Variants in EXOC4 observed in about 807,000 individuals in gnomAD.
The protein encoded by EXOC4 is SEC8-like 1.
A neutral mutation model predicts 107.2 loss-of-function variants in EXOC4; 71 were observed. That is an observed-to-expected ratio of 0.66 (90% confidence interval 0.55 to 0.81). EXOC4 has a LOEUF of 0.81. Ranked by LOEUF, EXOC4 falls within the 30% of genes least tolerant of loss-of-function variation. EXOC4 has a pLI of 0.00. For missense variants in EXOC4, 1,108 were observed against 1,189.6 expected (o/e 0.93, Z 1.01); for synonymous variants, 456 against 441.2 (o/e 1.03, Z -0.42).
intron 7 of EXOC4, among the ~76,000 whole-genome samples, chr7:133,441,482 C>A (rs1049049762): frequency 6.6e-6 from 1 of 152,144 alleles, no homozygotes; most frequent in African/African-American, 2.4e-5. Context: ...TCTCTGTCTC[C>A]CAGGTTCAAG....
chr7:133,344,087 G>A (rs1795729928), intron 5 of EXOC4, among the ~76,000 whole-genome samples: 1 of 152,114 alleles, frequency 6.6e-6, no homozygotes, highest in South Asian at 2.1e-4. Context: ...AATATACTGG[G>A]ATTACAGGCA....
At chr7:133,546,739 A>G (rs984928802) in intron 9 of EXOC4, among the ~76,000 whole-genome samples, 3 of 152,110 alleles carry the variant, frequency 2.0e-5, no homozygotes, top group African/African-American at 7.2e-5. Flanking sequence ...TATTTTGTAG[A>G]TACCATTCTA....
At chr7:133,419,194 A>C (rs1797547102) in intron 7 of EXOC4, among the ~76,000 whole-genome samples, 1 of 152,192 alleles carries the variant, frequency 6.6e-6, no homozygotes, top group South Asian at 2.1e-4. Flanking sequence ...GAGAGACATT[A>C]GATGAATCAT....
At position 133,758,046 on chromosome 7, in the gene EXOC4, CT is replaced by C. The variant is rs546573009; in HGVS notation, c.1515-59278del. On this transcript the variant is annotated intron_variant, in intron 10 of 17. Coordinates refer to ENST00000253861, the MANE Select transcript of EXOC4 (RefSeq NM_021807.4). ...GTTGGGGGAATTTTGAATTGCTAGA[CT>C]ATTTAGGAAAACATCTTTATTGGGA... Among the ~76,000 whole-genome samples, 4 of 152,228 alleles carry C rather than the reference CT, an allele frequency of 2.6e-5. No individual in the cohort carries two copies. The East Asian group carries it at 7.7e-4, about 29-fold the overall frequency.
chr7:133,770,800 G>A (rs936949283), intron 10 of EXOC4, among the ~76,000 whole-genome samples: 1 of 151,876 alleles, frequency 6.6e-6, no homozygotes. Context: ...GCCTTTGTTT[G>A]TACCTCTTAA....
intron 14 of EXOC4, among the ~76,000 whole-genome samples, chr7:133,952,928 C>A (rs1800726264): frequency 6.6e-6 from 1 of 152,156 alleles, no homozygotes; most frequent in African/African-American, 2.4e-5. Context: ...CCATCTTTTG[C>A]CTATTGTGAG....
chr7:133,327,060 C>T (rs572545989), intron 5 of EXOC4, among the ~76,000 whole-genome samples: 6 of 152,348 alleles, frequency 3.9e-5, no homozygotes, highest in African/African-American at 7.2e-5. Context: ...GTTGGAAAAG[C>T]GCAGTATTAG....
chr7:133,703,473 C>G (rs1425488336), intron 10 of EXOC4, among the ~76,000 whole-genome samples: 1 of 152,090 alleles, frequency 6.6e-6, no homozygotes, highest in African/African-American at 2.4e-5. Context: ...GAACAGTGGT[C>G]AAGGAATAAT....
chr7:133,898,342 G>C (rs1465418371), intron 12 of EXOC4, among the ~76,000 whole-genome samples: 3 of 152,052 alleles, frequency 2.0e-5, no homozygotes, highest in Non-Finnish European at 4.4e-5. Context: ...CCTGAGATTG[G>C]AATTTCTGGG....
At chr7:133,369,156 A>G (rs1796309292) in intron 6 of EXOC4, among the ~76,000 whole-genome samples, 1 of 152,220 alleles carries the variant, frequency 6.6e-6, no homozygotes, top group Non-Finnish European at 1.5e-5. Flanking sequence ...GTATATAAAT[A>G]TTAACAACAT....
At chr7:133,888,636 G>C (rs551281982) in intron 11 of EXOC4, among the ~76,000 whole-genome samples, 20 of 152,260 alleles carry the variant, frequency 1.3e-4, no homozygotes, top group South Asian at 1.2e-3. Context: ...TTTCCTTTCA[G>C]ATAGTTTTTT....
rs546048514 is a variant in EXOC4, at chr7:133,323,302, G to A, written c.763+5912G>A. Among the ~76,000 whole-genome samples, 7 of 152,274 alleles carry A rather than the reference G, an allele frequency of 4.6e-5. No homozygotes were observed. In the East Asian group the frequency reaches 1.2e-3, roughly 25 times the overall value. The stretch of plus-strand genomic sequence containing the variant: ...GTTTTCTTGTGCTGGTTTTCAAAGG[G>A]AATGCTTCCAGTTTTTGCCCATTCA... On this transcript the variant is annotated intron_variant, in intron 5 of 17. Coordinates refer to ENST00000253861, the MANE Select transcript of EXOC4 (RefSeq NM_021807.4).
chr7:134,018,130 A>C (rs145266791), intron 17 of EXOC4, among the ~76,000 whole-genome samples: 1 of 152,094 alleles, frequency 6.6e-6, no homozygotes, highest in Non-Finnish European at 1.5e-5. Context: ...CAGGGAGGCT[A>C]TTTTTCTGCC....
At chr7:134,075,107 C>T in the EXOC4 span, among the ~76,000 whole-genome samples, 32,208 of 152,164 alleles carry the variant, frequency 0.21, 5,153 homozygotes, top group African/African-American at 0.45. Flanking sequence ...ACCTGCCTAG[C>T]AGGAGGCCTG....
intron 11 of EXOC4, among the ~76,000 whole-genome samples, chr7:133,889,568 C>T (rs1486511330): frequency 9.1e-6 from 1 of 109,558 alleles, no homozygotes; most frequent in Non-Finnish European, 1.8e-5. Context: ...GCTATCCCTC[C>T]CCCCTCCCCC....
chr7:133,943,111 A>T (rs564685909), intron 14 of EXOC4, among the ~76,000 whole-genome samples: 1 of 152,204 alleles, frequency 6.6e-6, no homozygotes, highest in African/African-American at 2.4e-5. Context: ...TGGCTGTTAT[A>T]TTGGACAGTA....
At chr7:133,747,120 A>G in intron 10 of EXOC4, among the ~76,000 whole-genome samples, 1 of 152,174 alleles carries the variant, frequency 6.6e-6, no homozygotes, top group South Asian at 2.1e-4. Context: ...CTTTGGTTGA[A>G]GTGACGTAAT....
intron 7 of EXOC4, among the ~76,000 whole-genome samples, chr7:133,411,988 A>AT (rs926486180): frequency 7.9e-5 from 12 of 151,428 alleles, no homozygotes; most frequent in East Asian, 7.8e-4. Flanking sequence ...TAACAAAGCA[A>AT]TTTTTTTTTG....
the EXOC4 span, among the ~76,000 whole-genome samples, chr7:134,083,970 T>C: frequency 6.6e-6 from 1 of 152,198 alleles, no homozygotes; most frequent in Non-Finnish European, 1.5e-5. Flanking sequence ...TCTTGCAAAG[T>C]CAAAATCTCT....
Sources: allele counts gnomAD v4.1 joint callset (sites outside exome capture counted in the v4.1 genomes callset), GRCh38; gene constraint gnomAD v4.1.1; transcripts MANE v1.5; gene names NCBI Gene and HGNC (gene_info 2026-07-23, HGNC 2026-07-21).